Variants in NTRK3 observed in about 807,000 individuals in gnomAD.
NTRK3 encodes the protein neurotrophic receptor tyrosine kinase 3, also known as NT-3 growth factor receptor.
NTRK3 carries 24 observed loss-of-function variants against 91.7 expected under a neutral mutation model. That is an observed-to-expected ratio of 0.26 (90% CI 0.19 to 0.37). The LOEUF (loss-of-function observed/expected upper bound fraction) is 0.37. Among genes scored for constraint, NTRK3 ranks in the 10% least tolerant of loss-of-function variants. NTRK3 has a pLI of 1.00. For missense variants in NTRK3, 880 were observed against 1,068.9 expected (o/e 0.82, Z 2.46); for synonymous variants, 483 against 404.0 (o/e 1.20, Z -2.34).
chr15:87,937,027 C>T (rs1337346374), intron 15 of NTRK3, among the ~76,000 whole-genome samples: 2 of 152,190 alleles, frequency 1.3e-5, no homozygotes, highest in African/African-American at 2.4e-5. Flanking sequence ...TTTCCGTACT[C>T]TCCAAGATTT....
chr15:88,243,161 C>A lies in NTRK3; in HGVS notation c.248+12745G>T, dbSNP rs1433901857. The stretch of plus-strand genomic sequence containing the variant: ...GAGTGCCTCAAAGACAAGGTTTCTG[C>A]CAAGAGAATAAAATTGCACCCCTCC... On this transcript the variant is annotated intron_variant, in intron 3 of 18. Coordinates refer to ENST00000394480, the Ensembl canonical transcript of NTRK3. This position sits in a 1 kb window ranked among gnomAD's most constrained non-coding sequence, Gnocchi z 4.8. Among the ~76,000 whole-genome samples the A allele has an allele frequency of 1.3e-5, 2 of 152,152 alleles. No homozygotes were observed. Among genetic ancestry groups the A allele is most frequent in the Non-Finnish European group, 2.9e-5 (2 of 68,014 alleles).
chr15:87,880,651 T>C (rs1249085600), intron 17 of NTRK3, among the ~76,000 whole-genome samples: 2 of 152,176 alleles, frequency 1.3e-5, no homozygotes, highest in African/African-American at 4.8e-5. Context: ...TGAGGGAAGG[T>C]AGGTTCCTTG....
chr15:88,016,022 T>C (rs2077211284), intron 14 of NTRK3, among the ~76,000 whole-genome samples: 1 of 151,782 alleles, frequency 6.6e-6, no homozygotes, highest in South Asian at 2.1e-4. Flanking sequence ...CTCATTTGTG[T>C]GTGCTATACA....
chr15:88,053,344 G>A (rs369133689), intron 13 of NTRK3, among the ~76,000 whole-genome samples: 179 of 152,276 alleles, frequency 1.2e-3, no homozygotes, highest in African/African-American at 3.5e-3. Context: ...AGCCAAGGCC[G>A]GAGACCTCAT....
At chr15:87,908,013 C>A (rs2066871409) in intron 17 of NTRK3, among the ~76,000 whole-genome samples, 1 of 152,170 alleles carries the variant, frequency 6.6e-6, no homozygotes, top group African/African-American at 2.4e-5. Context: ...AGTTCTTAGA[C>A]CCTCTACTCT....
intron 3 of NTRK3, among the ~76,000 whole-genome samples, chr15:88,194,153 A>T (rs2047630476): frequency 6.6e-6 from 1 of 151,814 alleles, no homozygotes; most frequent in Non-Finnish European, 1.5e-5. Context: ...CCTTGACTAC[A>T]CTCTCTCCTG....
At chr15:87,866,750 T>G (rs1458667201) in exon 19 of NTRK3, 1 of 191,186 alleles carries the variant, frequency 5.2e-6, no homozygotes, top group Non-Finnish European at 1.1e-5. Context: ...GTTCTGTGCT[T>G]AAGATATAAA....
At chr15:88,034,103 C>CTCTA (rs1404549958) in intron 13 of NTRK3, among the ~76,000 whole-genome samples, 1 of 152,116 alleles carries the variant, frequency 6.6e-6, no homozygotes, top group Non-Finnish European at 1.5e-5. Context: ...GGGGAGTATC[C>CTCTA]TCTATCTTTT....
chr15:87,948,352 C>T (rs954975514), intron 14 of NTRK3, among the ~76,000 whole-genome samples: 10 of 152,182 alleles, frequency 6.6e-5, no homozygotes, highest in African/African-American at 2.4e-4. Context: ...AGATCTAAGA[C>T]AAAAACTCTG....
chr15:87,971,810 A>T (rs182709154), intron 14 of NTRK3, among the ~76,000 whole-genome samples: 191 of 152,300 alleles, frequency 1.3e-3, no homozygotes, highest in Non-Finnish European at 2.1e-3. Flanking sequence ...AGAAGAGCAC[A>T]TGTGCTCCCC....
Position 88,179,481 on chromosome 15 carries a change from G to T in NTRK3, c.395+3937C>A, listed in dbSNP as rs1414315372. Among the ~76,000 whole-genome samples, 3 of 152,148 alleles carry T rather than the reference G, an allele frequency of 2.0e-5. No homozygotes were observed. In the South Asian group the frequency reaches 6.2e-4, roughly 32 times the overall value. On this transcript the variant is annotated intron_variant, in intron 5 of 18. Coordinates refer to ENST00000394480, the Ensembl canonical transcript of NTRK3. Reference sequence around the variant, plus strand: ...GGTTATGAGAATTCAATGAGATAATGTATGGAAAAGCACTTTGAAAACCAC... The same window carrying T: ...GGTTATGAGAATTCAATGAGATAATTTATGGAAAAGCACTTTGAAAACCAC...
intron 13 of NTRK3, among the ~76,000 whole-genome samples, chr15:88,081,616 G>C (rs533087877): frequency 6.6e-6 from 1 of 152,310 alleles, no homozygotes; most frequent in East Asian, 1.9e-4. Flanking sequence ...GGAAAGGGTA[G>C]GAGGCAAGGG....
chr15:87,925,893 G>A (rs2068268156), intron 17 of NTRK3, among the ~76,000 whole-genome samples: 1 of 152,216 alleles, frequency 6.6e-6, no homozygotes, highest in Non-Finnish European at 1.5e-5. Context: ...TATCCACAGA[G>A]TTGTCTTGGC....
intron 16 of NTRK3, among the ~76,000 whole-genome samples, chr15:87,930,578 T>C (rs1240765769): frequency 6.6e-6 from 1 of 152,040 alleles, no homozygotes; most frequent in African/African-American, 2.4e-5. Flanking sequence ...GAGAGTGCAC[T>C]CCAGCCTGCC....
At chr15:88,006,236 T>C (rs1474826202) in intron 14 of NTRK3, among the ~76,000 whole-genome samples, 3 of 152,226 alleles carry the variant, frequency 2.0e-5, no homozygotes, top group Non-Finnish European at 4.4e-5. Context: ...TCTAGGCTTT[T>C]CTCTCCTTCT....
chr15:87,884,487 A>T (rs1428510777), intron 17 of NTRK3, among the ~76,000 whole-genome samples: 2 of 151,812 alleles, frequency 1.3e-5, no homozygotes, highest in Non-Finnish European at 3.0e-5. Context: ...CCTGAAGACA[A>T]AATCAGTCAA....
At chr15:88,077,207 A>T (rs1021578038) in intron 13 of NTRK3, among the ~76,000 whole-genome samples, 1 of 152,168 alleles carries the variant, frequency 6.6e-6, no homozygotes, top group African/African-American at 2.4e-5. Context: ...TTCAGTTGCT[A>T]AACTTTCCCC....
At chr15:87,928,838 T>G in intron 17 of NTRK3, 2 of 451,136 alleles carry the variant, frequency 4.4e-6, no homozygotes, top group Non-Finnish European at 8.0e-6. Context: ...AAATGTAGTA[T>G]CAAGTTGGGT....
intron 3 of NTRK3, among the ~76,000 whole-genome samples, chr15:88,223,010 G>C (rs970763179): frequency 3.3e-5 from 5 of 152,160 alleles, no homozygotes; most frequent in African/African-American, 1.2e-4. Flanking sequence ...GGGGAGAGGA[G>C]GGAGAGGAAG....
Sources: gnomAD v4.1 joint callset for allele counts (sites outside exome capture counted in the v4.1 genomes callset) on GRCh38, gnomAD v4.1.1 for gene constraint, Gnocchi (gnomAD v3.1) non-coding constraint, MANE v1.5 for transcripts, NCBI Gene and HGNC (gene_info 2026-07-23, HGNC 2026-07-21) for gene names.